Variants in CRYBB3 observed in about 807,000 individuals in gnomAD.
The protein encoded by CRYBB3 is beta-crystallin B3.
In CRYBB3, 35 loss-of-function variants were observed where a neutral mutation model predicts 28.3. The observed-to-expected ratio is 1.24, with a 90% CI of 0.95 to 1.64. CRYBB3 has a LOEUF of 1.64. Among genes scored for constraint, CRYBB3 ranks in the 40% most tolerant of loss-of-function variants. CRYBB3 has a pLI of 0.00. For missense variants in CRYBB3, 296 were observed against 297.4 expected, an observed-to-expected ratio of 1.00 and a Z score of 0.04; for synonymous variants, 106 against 110.4, an observed-to-expected ratio of 0.96 and a Z score of 0.25.
In CRYBB3 at chr22:25,201,412, G is replaced by A. The variant is rs768642748; in HGVS notation, c.16G>A (p.Gly6Arg). 34 of 1,613,262 alleles carry A rather than the reference G, an allele frequency of 2.1e-5. No individual in the cohort carries two copies. Among genetic ancestry groups the A allele is most frequent in the Admixed American group, 1.5e-4 (9 of 59,984 alleles). The change falls in exon 2 of 6, where the codon GGA (glycine) becomes AGA (arginine). Residue 6 changes from glycine (G) to arginine (R), a missense_variant. Coordinates refer to ENST00000215855, the MANE Select transcript of CRYBB3 (RefSeq NM_004076.5). Reference protein sequence around the residue: MAEQHGAPEQAAAGKS... With the variant: MAEQHRAPEQAAAGKS... The stretch of plus-strand genomic sequence containing the variant: ...TCCTGGGGAGATGGCGGAACAGCAC[G>A]GAGCACCCGAACAGGCTGCAGCTGG...
intron 5 of CRYBB3, 124 bp downstream of exon 5, chr22:25,205,486 G>A: frequency 1.7e-6 from 2 of 1,176,134 alleles, no homozygotes; most frequent in South Asian, 4.1e-5. Flanking sequence ...TTGAGACGGA[G>A]TCTTGCTCTG....
At chr22:25,200,406 C>T (rs534176797) in intron 1 of CRYBB3, among the ~76,000 whole-genome samples, 1 of 144,036 alleles carries the variant, frequency 6.9e-6, no homozygotes, top group African/African-American at 2.6e-5. Context: ...GCCTTGTTTA[C>T]CACTGTGGAT....
At chr22:25,204,215 A>G (rs1934994526) in intron 4 of CRYBB3, among the ~76,000 whole-genome samples, 1 of 152,220 alleles carries the variant, frequency 6.6e-6, no homozygotes, top group Admixed American at 6.5e-5. Flanking sequence ...AAAGAAATGC[A>G]GTCCAGGAAA....
At chr22:25,202,336 T>C (rs1434873414) in intron 2 of CRYBB3, among the ~76,000 whole-genome samples, 1 of 152,042 alleles carries the variant, frequency 6.6e-6, no homozygotes, top group Admixed American at 6.6e-5. Flanking sequence ...ATTTCTGACC[T>C]CTCTTGAAAA....
intron 3 of CRYBB3, among the ~76,000 whole-genome samples, chr22:25,203,319 G>T (rs1036434688): frequency 6.6e-6 from 1 of 152,152 alleles, no homozygotes; most frequent in African/African-American, 2.4e-5. Context: ...CACACACCAG[G>T]CCTCTGTTTT....
chr22:25,204,405 C>T (rs1478859022), intron 4 of CRYBB3, among the ~76,000 whole-genome samples: 1 of 152,050 alleles, frequency 6.6e-6, no homozygotes, highest in Non-Finnish European at 1.5e-5. Context: ...TCTTTTTAAA[C>T]ATTTTTATTT....
At chr22:25,201,328 C>A in intron 1 of CRYBB3, 49 bp from the exon 2 acceptor site, 2 of 1,604,258 alleles carry the variant, frequency 1.2e-6, no homozygotes, top group Middle Eastern at 3.3e-4. Context: ...ACATCAACAC[C>A]TGGCTTCTCC....
At position 25,205,633 on chromosome 22, in the gene CRYBB3, G is replaced by A. The variant is rs1481400915; in HGVS notation, c.470+271G>A. ...CACGACCACGCCCGGCTAAGTTTTTGTATTTTTAGTAGAGACGGGGTTTCA... is the reference window on the plus strand; with the variant it reads ...CACGACCACGCCCGGCTAAGTTTTTATATTTTTAGTAGAGACGGGGTTTCA... On this transcript the variant is annotated intron_variant, in intron 5 of 5. Transcript: ENST00000215855. Among the ~76,000 whole-genome samples, 6 of 152,048 alleles carry A rather than the reference G, an allele frequency of 3.9e-5. No homozygotes were observed. The East Asian group carries it at 9.6e-4, about 24-fold the overall frequency.
intron 5 of CRYBB3, among the ~76,000 whole-genome samples, chr22:25,206,793 C>T (rs544011885): frequency 1.3e-5 from 2 of 152,156 alleles, no homozygotes; most frequent in South Asian, 4.2e-4. Flanking sequence ...CATACAAAGG[C>T]CCCCCAACAC....
chr22:25,202,114 G>T (rs1348986975), intron 2 of CRYBB3, among the ~76,000 whole-genome samples: 1 of 152,058 alleles, frequency 6.6e-6, no homozygotes, highest in East Asian at 1.9e-4. Context: ...GAGCTTCTTT[G>T]ATCCCTTCTG....
intron 5 of CRYBB3, among the ~76,000 whole-genome samples, chr22:25,206,814 G>C (rs545213095): frequency 4.6e-5 from 7 of 152,144 alleles, no homozygotes; most frequent in African/African-American, 1.7e-4. Context: ...AGCAGGTTCC[G>C]GGAAAGTAGA....
intron 4 of CRYBB3, 23 bp from the exon 5 acceptor site, chr22:25,205,197 T>TC: frequency 6.2e-7 from 1 of 1,613,408 alleles, no homozygotes; most frequent in Non-Finnish European, 8.5e-7. Flanking sequence ...GAGCAGCCGC[T>TC]CACCCCACGA....
chr22:25,202,334 C>T (rs908227529), intron 2 of CRYBB3, among the ~76,000 whole-genome samples: 5 of 152,222 alleles, frequency 3.3e-5, no homozygotes, highest in Admixed American at 2.0e-4. Flanking sequence ...AGATTTCTGA[C>T]CTCTCTTGAA....
chr22:25,205,370 A>T lies in CRYBB3; in HGVS notation c.470+8A>T. On this transcript the variant is annotated splice_region_variant and intron_variant, in intron 5 of 5. Transcript: ENST00000215855. ...CCGTGCCATCAACGGGACGTAAGGG[A>T]CCCAACCCTCACCCTTGCCCCATCT... 1 of 1,613,782 alleles carries T rather than the reference A, an allele frequency of 6.2e-7. No individual in the cohort carries two copies. Among genetic ancestry groups the T allele is most frequent in the East Asian group, 2.2e-5 (1 of 44,862 alleles).
intron 5 of CRYBB3, among the ~76,000 whole-genome samples, chr22:25,206,373 G>A (rs937164269): frequency 2.6e-5 from 4 of 152,016 alleles, no homozygotes; most frequent in Admixed American, 6.6e-5. Context: ...GAGAAACCCC[G>A]TCTCTACTAA....
Position 25,202,740 on chromosome 22 carries a change from C to T in CRYBB3, c.142C>T (p.Leu48=). 2 of 1,614,100 alleles carry T rather than the reference C, an allele frequency of 1.2e-6. No homozygotes were observed. Among genetic ancestry groups the T allele is most frequent in the Non-Finnish European group, 8.5e-7 (1 of 1,180,018 alleles). ...CGAGCTCTCGGCCGAGTGCCCCAGC[C>T]TGACCGACAGCCTGCTGGAGAAGGT... ...RCELSAECPS[L]TDSLLEKVGS... is the part of the protein sequence containing the mutation. The change falls in exon 3 of 6, where the codon CTG becomes TTG. Residue 48 remains leucine, a synonymous_variant. Transcript: ENST00000215855.
At position 25,205,373 on chromosome 22, in the gene CRYBB3, C is replaced by G. The variant is rs1240070504; in HGVS notation, c.470+11C>G. On this transcript the variant is annotated intron_variant, in intron 5 of 5. Coordinates refer to ENST00000215855, the MANE Select transcript of CRYBB3 (RefSeq NM_004076.5). Reference sequence around the variant, plus strand: ...TGCCATCAACGGGACGTAAGGGACCCAACCCTCACCCTTGCCCCATCTTCT... The same window carrying G: ...TGCCATCAACGGGACGTAAGGGACCGAACCCTCACCCTTGCCCCATCTTCT... The G allele has an allele frequency of 6.2e-7, 1 of 1,613,728 alleles. No homozygotes were observed. The highest frequency in any genetic ancestry group is 8.5e-7 in the Non-Finnish European group (1 of 1,179,866).
chr22:25,205,825 C>T (rs1244664097), intron 5 of CRYBB3, among the ~76,000 whole-genome samples: 2 of 152,164 alleles, frequency 1.3e-5, no homozygotes, highest in Non-Finnish European at 2.9e-5. Flanking sequence ...GATTTCTAGG[C>T]AGCCTTGACT....
Position 25,207,297 on chromosome 22 carries a change from C to G in CRYBB3, c.*85C>G. 1 of 1,226,278 alleles carries G rather than the reference C, an allele frequency of 8.2e-7. No homozygotes were observed. Among genetic ancestry groups the G allele is most frequent in the Non-Finnish European group, 1.1e-6 (1 of 879,112 alleles). 76.0% of individuals were successfully genotyped at this position (1,226,278 alleles called of 1,614,324 possible). Reference sequence around the variant, plus strand: ...GAGGCTCCAGGGTTGGGGCGAGGGCCGACCTGTCCACCCTTCCCTGGAATC... The same window carrying G: ...GAGGCTCCAGGGTTGGGGCGAGGGCGGACCTGTCCACCCTTCCCTGGAATC... On this transcript the variant is annotated 3_prime_UTR_variant, in exon 6 of 6. Transcript: ENST00000215855.
Sources: allele counts gnomAD v4.1 joint callset (sites outside exome capture counted in the v4.1 genomes callset), GRCh38; gene constraint gnomAD v4.1.1; transcripts MANE v1.5; gene names NCBI Gene and HGNC (gene_info 2026-07-23, HGNC 2026-07-21).